Variants in CD63 observed in about 807,000 individuals in gnomAD.
CD63 encodes CD63 antigen.
CD63 carries 16 observed loss-of-function variants against 29.2 expected under a neutral mutation model. The ratio of observed to expected loss-of-function variants is 0.55; its 90% CI spans 0.37 to 0.83. The LOEUF (loss-of-function observed/expected upper bound fraction) is 0.83. Ranked by LOEUF, CD63 falls within the 40% of genes least tolerant of loss-of-function variation. CD63 has a pLI of 0.00. For synonymous variants in CD63, 118 were observed against 111.7 expected (o/e 1.06, Z -0.36); for missense variants, 251 against 297.3 (o/e 0.84, Z 1.15).
At chr12:55,727,760 G>A in intron 2 of CD63, 1 of 1,032,172 alleles carries the variant, frequency 9.7e-7, no homozygotes, top group South Asian at 3.8e-5. Flanking sequence ...AAGGGAAGAG[G>A]AAAAGGGAGC....
At chr12:55,727,026 C>A in intron 3 of CD63, 62 bp from the exon 4 acceptor site, 1 of 1,581,656 alleles carries the variant, frequency 6.3e-7, no homozygotes, top group South Asian at 1.1e-5. Context: ...CCCGTTTTGG[C>A]ACAGCCGGTC....
intron 5 of CD63, 88 bp downstream of exon 5, chr12:55,726,612 T>G: frequency 1.9e-6 from 2 of 1,070,856 alleles, no homozygotes; most frequent in Non-Finnish European, 2.9e-6. Context: ...TCAAAAGTGC[T>G]GAGATTACAG....
chr12:55,726,623 G>C (rs1334636703), intron 5 of CD63, 77 bp downstream of exon 5: 1 of 1,158,902 alleles, frequency 8.6e-7, no homozygotes, highest in Non-Finnish European at 1.3e-6. Context: ...GAGATTACAG[G>C]CGTGAGTCAC....
rs970361815 is a variant in CD63 at position 55,726,809 on chromosome 12, G to A, written c.331-14C>T. 8 of 1,609,918 alleles carry A rather than the reference G, an allele frequency of 5.0e-6. No individual in the cohort carries two copies. In the Admixed American group the frequency reaches 5.0e-5, roughly 10 times the overall value. Reference sequence around the variant, plus strand: ...CTCTGACATCACCTGAGAGTACGGAGGAGCACTGTTGCAGTCAGAATTCAA... The same window carrying A: ...CTCTGACATCACCTGAGAGTACGGAAGAGCACTGTTGCAGTCAGAATTCAA... On this transcript the variant is annotated splice_polypyrimidine_tract_variant and intron_variant, in intron 4 of 7. Coordinates refer to ENST00000257857, the MANE Select transcript of CD63 (RefSeq NM_001780.6).
chr12:55,729,250 G>T (rs1284863805), upstream of CD63: 7 of 615,620 alleles, frequency 1.1e-5, no homozygotes, highest in East Asian at 7.0e-4. Context: ...GCAAGACCTC[G>T]GGGCGCCTGG....
chr12:55,725,567 C>A lies in CD63; in HGVS notation c.711G>T (p.Val237=). The change falls in exon 8 of 8, where the codon GTG becomes GTT. Residue 237 remains valine, a synonymous_variant. Transcript: ENST00000257857. ...LVKSIRSGYE[V]M is the part of the protein sequence containing the mutation. ...GGCTGAGGAGACCAGACCCCTACAT[C>A]ACCTCGTAGCCACTTCTGATACTCT... 1 of 1,613,894 alleles carries A rather than the reference C, an allele frequency of 6.2e-7. No individual in the cohort carries two copies. Among genetic ancestry groups the A allele is most frequent in the Non-Finnish European group, 8.5e-7 (1 of 1,179,824 alleles).
downstream of CD63, chr12:55,724,591 G>A (rs1305952927): frequency 1.9e-6 from 3 of 1,557,648 alleles, no homozygotes; most frequent in Non-Finnish European, 2.6e-6. Flanking sequence ...CAAGGACTTT[G>A]ATTTATTTCT....
At chr12:55,725,985 C>T (rs1877281665) in intron 6 of CD63, 89 bp from the exon 7 acceptor site, 2 of 1,466,600 alleles carry the variant, frequency 1.4e-6, no homozygotes, top group East Asian at 2.3e-5. Context: ...CTTCCCTGCC[C>T]CTGTACCTTT....
At chr12:55,724,326 G>A (rs1450963358), downstream of CD63, 1 of 1,614,206 alleles carries the variant, frequency 6.2e-7, no homozygotes, top group East Asian at 2.2e-5. Flanking sequence ...CTGCAGACCT[G>A]AAAATGCAAC....
chr12:55,727,709 T>G, intron 2 of CD63: 27 of 1,041,054 alleles, frequency 2.6e-5, no homozygotes, highest in East Asian at 8.6e-5. Context: ...CACGCGCGCA[T>G]CAGCTGTGAC....
Position 55,726,118 on chromosome 12 carries a change from T to A in CD63, c.567+3A>T. On this transcript the variant is annotated splice_donor_region_variant and intron_variant, in intron 6 of 7. Coordinates refer to ENST00000257857, the MANE Select transcript of CD63 (RefSeq NM_001780.6). Reference sequence around the variant, plus strand: ...CAAGTCCCATACACAGTCTCCTCCCTACCTCCTTATGGATCGCCTTCTCGT... The same window carrying A: ...CAAGTCCCATACACAGTCTCCTCCCAACCTCCTTATGGATCGCCTTCTCGT... 3 of 1,613,878 alleles carry A rather than the reference T, an allele frequency of 1.9e-6. No homozygotes were observed. Among genetic ancestry groups the A allele is most frequent in the Non-Finnish European group, 2.5e-6 (3 of 1,179,890 alleles).
At position 55,728,811 on chromosome 12, in the gene CD63, G is replaced by C; in HGVS notation, c.-12+142C>G. The C allele has an allele frequency of 2.1e-5, 21 of 992,842 alleles. No individual in the cohort carries two copies. Among genetic ancestry groups the C allele is most frequent in the Non-Finnish European group, 2.4e-5 (20 of 834,616 alleles). 61.5% of individuals were successfully genotyped at this position (992,842 alleles called of 1,614,324 possible). Reference sequence around the variant, plus strand: ...CCCGCCACACCCTGCCCGGGCCCAGGGAACTTCGAAGCAAAGTTGCTCCAG... The same window carrying C: ...CCCGCCACACCCTGCCCGGGCCCAGCGAACTTCGAAGCAAAGTTGCTCCAG... On this transcript the variant is annotated intron_variant, in intron 1 of 7. Transcript: ENST00000257857. The surrounding 1 kb of genome is among the most constrained non-coding windows in gnomAD (Gnocchi z 4.8).
At position 55,728,045 on chromosome 12, in the gene CD63, G is replaced by A; in HGVS notation, c.66+231C>T. On this transcript the variant is annotated intron_variant, in intron 2 of 7. Transcript: ENST00000257857. The surrounding 1 kb of genome is among the most constrained non-coding windows in gnomAD (Gnocchi z 4.8). ...TGGGTCACCAGACAGGAAGGGCCAG[G>A]AGGGATGGGGGTAGGGGTTGCTGCA... 2 of 826,012 alleles carry A rather than the reference G, an allele frequency of 2.4e-6. No homozygotes were observed. The highest frequency in any genetic ancestry group is 3.7e-6 in the Non-Finnish European group (2 of 546,486). The allele number at this position is 826,012 out of a possible 1,614,324, so 51.2% of individuals were successfully genotyped here. A position where few individuals can be genotyped will look rare whatever the true frequency, so the allele number is the denominator to read the frequency against.
chr12:55,728,751 C>T lies in CD63; in HGVS notation c.-12+202G>A. 2 of 991,996 alleles carry T rather than the reference C, an allele frequency of 2.0e-6. No homozygotes were observed. Among genetic ancestry groups the T allele is most frequent in the Non-Finnish European group, 2.4e-6 (2 of 832,878 alleles). The allele number at this position is 991,996 out of a possible 1,614,324, so 61.4% of individuals were successfully genotyped here. On this transcript the variant is annotated intron_variant, in intron 1 of 7. Transcript: ENST00000257857. The surrounding 1 kb of genome is among the most constrained non-coding windows in gnomAD (Gnocchi z 4.8). ...CCTTTCCCCTGGGCTCTGACCTCCC[C>T]GCCCACCAAAAAAAAAAAAAGTGCA...
downstream of CD63, chr12:55,723,618 G>A (rs544560462): frequency 4.3e-4 from 201 of 469,648 alleles, 2 homozygotes; most frequent in South Asian, 4.1e-3. Context: ...CATTAATTTT[G>A]TTTCTTGGCC....
chr12:55,728,495 G>C lies in CD63; in HGVS notation c.-11-143C>G, dbSNP rs1877670140. 5 of 1,480,810 alleles carry C rather than the reference G, an allele frequency of 3.4e-6. No individual in the cohort carries two copies. The highest frequency in any genetic ancestry group is 5.0e-5 in the East Asian group (2 of 40,226). 91.7% of individuals were successfully genotyped at this position (1,480,810 alleles called of 1,614,324 possible). ...CCCGGAAACCCGCGGTCGGATCCAC[G>C]TCTCCCAGCCCCCTCTTTACCCGCA... On this transcript the variant is annotated intron_variant, in intron 1 of 7. Coordinates refer to ENST00000257857, the MANE Select transcript of CD63 (RefSeq NM_001780.6). The surrounding 1 kb of genome is among the most constrained non-coding windows in gnomAD (Gnocchi z 4.8).
upstream of CD63, chr12:55,729,551 C>CA (rs1877779583): frequency 6.6e-6 from 1 of 152,512 alleles, no homozygotes; most frequent in South Asian, 2.1e-4. Context: ...CCAGAACAAA[C>CA]ACTTCCAGAA....
downstream of CD63, chr12:55,724,650 A>G (rs972224107): frequency 3.8e-6 from 4 of 1,039,664 alleles, no homozygotes; most frequent in African/African-American, 1.6e-5. Flanking sequence ...AAGCACTAAC[A>G]AAAGTGTATT....
At chr12:55,724,529 C>T (rs767129959), downstream of CD63, 1 of 1,611,666 alleles carries the variant, frequency 6.2e-7, no homozygotes, top group East Asian at 2.2e-5. Context: ...CCCAAGCCTG[C>T]CCAAGCAGTC....
Sources: gnomAD v4.1 joint callset for allele counts on GRCh38, gnomAD v4.1.1 for gene constraint, Gnocchi (gnomAD v3.1) non-coding constraint, MANE v1.5 for transcripts, NCBI Gene and HGNC (gene_info 2026-07-23, HGNC 2026-07-21) for gene names.